AK4: variants seen among roughly 807,000 people sequenced by gnomAD.
AK4 encodes the protein adenylate kinase 4, mitochondrial.
A neutral mutation model predicts 24.6 loss-of-function variants in AK4; 13 were observed. The ratio of observed to expected loss-of-function variants is 0.53; its 90% confidence interval spans 0.34 to 0.84. AK4 has a LOEUF of 0.84. AK4 is among the 40% of genes least tolerant of loss of function. The pLI is 0.01. For synonymous variants in AK4, 88 were observed against 107.0 expected, an observed-to-expected ratio of 0.82 and a Z score of 1.10; for missense variants, 192 against 288.2, an observed-to-expected ratio of 0.67 and a Z score of 2.42.
intron 2 of AK4, among the ~76,000 whole-genome samples, chr1:65,203,140 T>G (rs1288533398): frequency 6.6e-6 from 1 of 152,138 alleles, no homozygotes; most frequent in East Asian, 1.9e-4. Flanking sequence ...CTCAGAGTGC[T>G]GAGATTACAG....
chr1:65,184,540 A>ATG (rs1238611962), intron 1 of AK4, among the ~76,000 whole-genome samples: 10 of 151,872 alleles, frequency 6.6e-5, no homozygotes, highest in Non-Finnish European at 1.0e-4. Context: ...TGTGTGTGTG[A>ATG]TGTGTGTGTG....
At chr1:65,172,063 G>GTGTGTATATATATATATATA (rs1433940516) in intron 1 of AK4, among the ~76,000 whole-genome samples, 2 of 65,746 alleles carry the variant, frequency 3.0e-5, no homozygotes, top group South Asian at 1.7e-3. Flanking sequence ...TCCATCTCAA[G>GTGTGTATATATATATATATA]TATATATATA....
intron 2 of AK4, among the ~76,000 whole-genome samples, chr1:65,217,039 T>C (rs967373932): frequency 6.6e-6 from 1 of 152,122 alleles, no homozygotes; most frequent in Non-Finnish European, 1.5e-5. Context: ...ATCTTGACAT[T>C]GTAGTGAAGA....
At chr1:65,201,741 G>T (rs1269393447) in intron 2 of AK4, among the ~76,000 whole-genome samples, 1 of 152,112 alleles carries the variant, frequency 6.6e-6, no homozygotes, top group Non-Finnish European at 1.5e-5. Context: ...TGAAGGTGAG[G>T]GAGGCAGGTA....
intron 1 of AK4, among the ~76,000 whole-genome samples, chr1:65,188,738 A>C (rs1011692224): frequency 2.6e-5 from 4 of 150,974 alleles, no homozygotes; most frequent in Non-Finnish European, 4.4e-5. Flanking sequence ...TCAGCCTCCC[A>C]AAGTGCTGGG....
chr1:65,152,385 T>TATATATA (rs1570055740), intron 1 of AK4, among the ~76,000 whole-genome samples: 1 of 20,658 alleles, frequency 4.8e-5, no homozygotes, highest in African/African-American at 2.3e-4. Flanking sequence ...TATATATATA[T>TATATATA]TTTTTTTTTT....
In AK4 at chr1:65,170,389, A is replaced by AC. The variant is rs1470168023; in HGVS notation, c.146-20321_146-20320insC. The stretch of plus-strand genomic sequence containing the variant: ...TCTCACACACACACACACACACACA[A>AC]AAAAAATCAGTTTTAAGGTATTAGA... On this transcript the variant is annotated intron_variant, in intron 1 of 4. Coordinates refer to ENST00000327299, the MANE Select transcript of AK4 (RefSeq NM_013410.4). Among the ~76,000 whole-genome samples the AC allele has an allele frequency of 2.3e-3, 349 of 151,450 alleles. 2 individuals are homozygous for AC. Among genetic ancestry groups the AC allele is most frequent in the South Asian group, 0.011 (52 of 4,784 alleles).
intron 1 of AK4, among the ~76,000 whole-genome samples, chr1:65,184,611 T>C (rs1009879956): frequency 2.0e-5 from 3 of 152,224 alleles, no homozygotes; most frequent in African/African-American, 7.2e-5. Flanking sequence ...CAGCCTTTCT[T>C]TGGAATACTG....
intron 2 of AK4, among the ~76,000 whole-genome samples, chr1:65,198,139 A>G (rs1319232979): frequency 6.6e-6 from 1 of 152,226 alleles, no homozygotes; most frequent in Non-Finnish European, 1.5e-5. Flanking sequence ...TCATAGCCAC[A>G]TAACCCTTCT....
chr1:65,225,715 G>A (rs968756468), intron 4 of AK4, among the ~76,000 whole-genome samples: 2 of 152,056 alleles, frequency 1.3e-5, no homozygotes, highest in African/African-American at 4.8e-5. Flanking sequence ...TGTATTCCAT[G>A]ATTGACTAAG....
At chr1:65,153,867 A>G (rs1359199425) in intron 1 of AK4, among the ~76,000 whole-genome samples, 1 of 152,168 alleles carries the variant, frequency 6.6e-6, no homozygotes, top group African/African-American at 2.4e-5. Context: ...GGGAATTAGC[A>G]TAGCGTGTCT....
chr1:65,227,122 A>G lies in AK4; in HGVS notation c.*945A>G, dbSNP rs1254651013. 3 of 141,972 alleles carry G rather than the reference A, an allele frequency of 2.1e-5. No individual in the cohort carries two copies. Among genetic ancestry groups the G allele is most frequent in the Non-Finnish European group, 3.0e-5 (2 of 65,972 alleles). The allele number at this position is 141,972 out of a possible 1,614,324, so 8.8% of individuals were successfully genotyped here. On this transcript the variant is annotated 3_prime_UTR_variant, in exon 5 of 5. Transcript: ENST00000327299. ...TTAGCTACATAAATGTTGTAAGATC[A>G]TATCTTATGTATAGAAGTAATAAGA...
At chr1:65,155,129 T>G (rs1649935188) in intron 1 of AK4, among the ~76,000 whole-genome samples, 1 of 151,598 alleles carries the variant, frequency 6.6e-6, no homozygotes, top group Non-Finnish European at 1.5e-5. Flanking sequence ...GGATTACAGG[T>G]GTGAGCCACC....
intron 2 of AK4, among the ~76,000 whole-genome samples, chr1:65,195,916 T>C (rs551848513): frequency 1.3e-5 from 2 of 152,192 alleles, no homozygotes; most frequent in South Asian, 4.1e-4. Flanking sequence ...CAGTGCTTGC[T>C]TTTGCCATGA....
intron 1 of AK4, among the ~76,000 whole-genome samples, chr1:65,161,412 T>C (rs1242616077): frequency 6.6e-6 from 1 of 152,114 alleles, no homozygotes; most frequent in East Asian, 1.9e-4. Context: ...GGCATGGCGG[T>C]GCGCATGCAT....
intron 2 of AK4, among the ~76,000 whole-genome samples, chr1:65,191,499 AATAG>A (rs1191468878): frequency 3.3e-5 from 5 of 151,804 alleles, no homozygotes; most frequent in Non-Finnish European, 7.4e-5. Context: ...GAAAGTGATG[AATAG>A]ATAGATGGTC....
intron 2 of AK4, among the ~76,000 whole-genome samples, chr1:65,204,911 C>A (rs1208624180): frequency 6.6e-6 from 1 of 152,144 alleles, no homozygotes; most frequent in Non-Finnish European, 1.5e-5. Flanking sequence ...TTTGATTAAT[C>A]TCTTGGTTAT....
chr1:65,154,409 A>C (rs1191248176), intron 1 of AK4: 2 of 401,790 alleles, frequency 5.0e-6, no homozygotes, highest in African/African-American at 4.1e-5. Context: ...TTGCTGATTA[A>C]GAATGCCCTT....
intron 1 of AK4, among the ~76,000 whole-genome samples, chr1:65,172,488 T>C (rs1650568673): frequency 6.6e-6 from 1 of 152,118 alleles, no homozygotes; most frequent in Non-Finnish European, 1.5e-5. Context: ...GGTGGAGCAT[T>C]CAATTTCATG....
Sources: gnomAD v4.1 joint callset for allele counts (sites outside exome capture counted in the v4.1 genomes callset) on GRCh38, gnomAD v4.1.1 for gene constraint, MANE v1.5 for transcripts, NCBI Gene and HGNC (gene_info 2026-07-23, HGNC 2026-07-21) for gene names.